SCN8A: variants seen among roughly 807,000 people sequenced by gnomAD.
SCN8A encodes sodium channel protein type 8 subunit alpha.
In SCN8A, 30 loss-of-function variants were observed where a neutral mutation model predicts 184.1. The observed-to-expected ratio is 0.16, with a 90% CI of 0.12 to 0.22. The LOEUF (loss-of-function observed/expected upper bound fraction) is 0.22. Ranked by LOEUF, SCN8A falls within the 10% of genes least tolerant of loss-of-function variation. The probability of loss-of-function intolerance (pLI) is 1.00; values close to 1 mark genes in which losing one functional copy is unlikely to be tolerated. For missense variants in SCN8A, 1,057 were observed against 2,498.9 expected (o/e 0.42, Z 12.30); for synonymous variants, 852 against 907.0 (o/e 0.94, Z 1.09).
intron 12 of SCN8A, among the ~76,000 whole-genome samples, chr12:51,734,888 T>C (rs1374382815): frequency 2.0e-5 from 3 of 152,262 alleles, no homozygotes; most frequent in Non-Finnish European, 4.4e-5. Context: ...TCCATTTTAA[T>C]GGATTACTAG....
intron 19 of SCN8A, among the ~76,000 whole-genome samples, chr12:51,773,573 T>C (rs1328222536): frequency 1.3e-5 from 2 of 152,232 alleles, no homozygotes; most frequent in Admixed American, 6.5e-5. Context: ...TGTGAAATGA[T>C]GCAACCACTT....
intron 25 of SCN8A, 55 bp downstream of exon 25, chr12:51,790,557 T>C (rs1938219697): frequency 8.5e-7 from 1 of 1,182,560 alleles, no homozygotes; most frequent in African/African-American, 1.5e-5. Context: ...GGAAAAGTAC[T>C]AGTAGAGTTA....
At chr12:51,592,607 T>C (rs1939252709) in intron 1 of SCN8A, among the ~76,000 whole-genome samples, 2 of 150,410 alleles carry the variant, frequency 1.3e-5, no homozygotes, top group African/African-American at 4.9e-5. Flanking sequence ...CTGGCTAAAG[T>C]CAGGGGGAGG....
At position 51,618,456 on chromosome 12, in the gene SCN8A, G is replaced by A. The variant is rs375753081; in HGVS notation, c.-55+27097G>A. 8.5e-4 allele frequency among the ~76,000 whole-genome samples: 98 copies of A among 114,804 alleles called. 1 individual carries two copies. The highest frequency in any genetic ancestry group is 3.3e-3 in the African/African-American group (93 of 28,606). The allele number at this position is 114,804 out of a possible 152,430, so 75.3% of individuals were successfully genotyped here. A position where few individuals can be genotyped will look rare whatever the true frequency, so the allele number is the denominator to read the frequency against. ...TGAGTCCAGGCCAAGAGATACCAGA[G>A]CAACACACACACACACACACACACA... On this transcript the variant is annotated intron_variant, in intron 1 of 26. Coordinates refer to ENST00000627620, the MANE Select transcript of SCN8A (RefSeq NM_001330260.2).
intron 6 of SCN8A, among the ~76,000 whole-genome samples, chr12:51,690,384 G>C (rs1941486621): frequency 6.6e-6 from 1 of 152,104 alleles, no homozygotes; most frequent in Admixed American, 6.5e-5. Context: ...TAGAGACAGG[G>C]TCTCACTCTG....
At chr12:51,682,374 AGTTT>A (rs1941350042) in intron 2 of SCN8A, among the ~76,000 whole-genome samples, 1 of 152,104 alleles carries the variant, frequency 6.6e-6, no homozygotes, top group South Asian at 2.1e-4. Flanking sequence ...TTTGTGGGAG[AGTTT>A]GTTTAATTCT....
chr12:51,777,567 A>C (rs1446186820), intron 20 of SCN8A, among the ~76,000 whole-genome samples: 1 of 152,328 alleles, frequency 6.6e-6, no homozygotes, highest in East Asian at 1.9e-4. Context: ...TCAGAGGATT[A>C]TAAGAGAGCC....
intron 16 of SCN8A, among the ~76,000 whole-genome samples, chr12:51,768,425 A>G (rs1457569322): frequency 1.3e-5 from 2 of 152,130 alleles, no homozygotes; most frequent in Non-Finnish European, 2.9e-5. Context: ...GTATGAAAGG[A>G]TGGCACTTCA....
chr12:51,754,001 T>TA (rs2138842863), intron 14 of SCN8A, among the ~76,000 whole-genome samples: 1 of 152,126 alleles, frequency 6.6e-6, no homozygotes, highest in South Asian at 2.1e-4. Context: ...TCTGTAGACA[T>TA]ACAGAAAGAT....
intron 1 of SCN8A, among the ~76,000 whole-genome samples, chr12:51,605,855 G>A (rs1395608258): frequency 6.6e-6 from 1 of 151,080 alleles, no homozygotes; most frequent in Non-Finnish European, 1.5e-5. Flanking sequence ...GTGATGTTGA[G>A]CATTTTTTCA....
At chr12:51,730,751 T>G (rs140007720) in intron 12 of SCN8A, among the ~76,000 whole-genome samples, 2 of 152,368 alleles carry the variant, frequency 1.3e-5, no homozygotes, top group Non-Finnish European at 1.5e-5. Flanking sequence ...AGAATTAAAT[T>G]ATTTTCACTA....
Position 51,749,498 on chromosome 12 carries a change from A to G in SCN8A, c.2132-1857A>G, listed in dbSNP as rs1041231142. 9.6e-4 allele frequency among the ~76,000 whole-genome samples: 146 copies of G among 152,206 alleles called. 3 individuals carry two copies. Among genetic ancestry groups the G allele is most frequent in the Non-Finnish European group, 1.3e-4 (9 of 68,036 alleles). ...TTCCAAATATGTACTGTAAGAATTT[A>G]TGGAAATAAGAGAACCTTGTCATTT... On this transcript the variant is annotated intron_variant, in intron 13 of 26. Transcript: ENST00000627620.
chr12:51,801,032 T>A (rs1938542979), intron 26 of SCN8A, among the ~76,000 whole-genome samples: 1 of 152,204 alleles, frequency 6.6e-6, no homozygotes, highest in Admixed American at 6.5e-5. Flanking sequence ...TAGCCTTTTG[T>A]CCACTTGACC....
rs1650809067 is a variant in SCN8A at position 51,762,525 on chromosome 12, C to T, written c.2393C>T (p.Ala798Val). ...GNLVFTGIFT[A>V]EMFLKLIAMD... The stretch of plus-strand genomic sequence containing the variant: ...TAGGTTTTCACTGGAATTTTCACAG[C>T]GGAAATGTTCCTGAAGCTCATAGCC... Residue 798 changes from alanine (A) to valine (V), a missense_variant, in exon 15 of 27, where the codon GCG becomes GTG. This residue lies in a region of SCN8A where 66 missense variants were observed against 310.6 expected (regional missense o/e 0.21). Coordinates refer to ENST00000627620, the MANE Select transcript of SCN8A (RefSeq NM_001330260.2). 1 of 1,613,418 alleles carries T rather than the reference C, an allele frequency of 6.2e-7. No homozygotes were observed. The highest frequency in any genetic ancestry group is 8.5e-7 in the Non-Finnish European group (1 of 1,179,658).
At chr12:51,621,465 G>A (rs537136856) in intron 1 of SCN8A, among the ~76,000 whole-genome samples, 77 of 152,286 alleles carry the variant, frequency 5.1e-4, no homozygotes, top group African/African-American at 1.8e-3. Flanking sequence ...GCATCATATT[G>A]GTGACCCCTT....
chr12:51,664,618 C>T (rs1024254170), intron 2 of SCN8A, among the ~76,000 whole-genome samples: 16 of 152,256 alleles, frequency 1.1e-4, no homozygotes, highest in East Asian at 3.9e-4. Flanking sequence ...TTGTAATTTT[C>T]GGCAAGACAC....
At chr12:51,779,731 T>C (rs1327268931) in intron 20 of SCN8A, among the ~76,000 whole-genome samples, 1 of 152,214 alleles carries the variant, frequency 6.6e-6, no homozygotes, top group Non-Finnish European at 1.5e-5. Context: ...CCAACTGTTA[T>C]TCTAATGATA....
intron 5 of SCN8A, 44 bp from the exon 6 acceptor site, chr12:51,688,949 TTGTGTTTGTGTC>T (rs1211732322): frequency 6.3e-7 from 1 of 1,578,064 alleles, no homozygotes; most frequent in Non-Finnish European, 8.7e-7. Context: ...CCTTTGGTGT[TTGTGTTTGTGTC>T]TGTGTTTGTC....
chr12:51,798,343 C>T (rs1421433767), intron 26 of SCN8A, among the ~76,000 whole-genome samples: 1 of 152,190 alleles, frequency 6.6e-6, no homozygotes, highest in Non-Finnish European at 1.5e-5. Context: ...AGATGGTAGT[C>T]TTGGCAGAAG....
Sources: gnomAD v4.1 joint callset for allele counts (sites outside exome capture counted in the v4.1 genomes callset) on GRCh38, gnomAD v4.1.1 for gene constraint, gnomAD v4.1.1 regional missense constraint, MANE v1.5 for transcripts, NCBI Gene and HGNC (gene_info 2026-07-23, HGNC 2026-07-21) for gene names.